Variants in CCN4 observed in about 807,000 individuals in gnomAD.
CCN4 encodes CCN family member 4.
A neutral mutation model predicts 36.7 loss-of-function variants in CCN4; 30 were observed. The observed-to-expected ratio is 0.82, with a 90% CI of 0.61 to 1.11. The LOEUF (loss-of-function observed/expected upper bound fraction) is 1.11. Ranked by LOEUF, CCN4 falls within the 50% of genes least tolerant of loss-of-function variation. CCN4 has a pLI of 0.00. For synonymous variants in CCN4, 191 were observed against 195.4 expected (o/e 0.98, Z 0.19); for missense variants, 505 against 504.9 (o/e 1.00, Z 0.00).
At chr8:133,212,176 C>A (rs530508101) in intron 1 of CCN4, among the ~76,000 whole-genome samples, 1 of 152,018 alleles carries the variant, frequency 6.6e-6, no homozygotes, top group African/African-American at 2.4e-5. Flanking sequence ...GGTCTCATTG[C>A]CCTGACAGCA....
intron 1 of CCN4, among the ~76,000 whole-genome samples, chr8:133,191,675 G>T (rs1186820061): frequency 1.3e-5 from 2 of 152,202 alleles, no homozygotes; most frequent in South Asian, 4.1e-4. Flanking sequence ...ATGCTGCGAA[G>T]ATGGGAGATG....
chr8:133,202,077 A>C (rs1853607795), intron 1 of CCN4, among the ~76,000 whole-genome samples: 1 of 152,224 alleles, frequency 6.6e-6, no homozygotes, highest in Non-Finnish European at 1.5e-5. Flanking sequence ...ACTACTCTCT[A>C]AAACTGTGAG....
intron 1 of CCN4, among the ~76,000 whole-genome samples, chr8:133,193,922 G>A (rs1853207751): frequency 6.6e-6 from 1 of 152,146 alleles, no homozygotes; most frequent in African/African-American, 2.4e-5. Context: ...TAGAGGGGCT[G>A]GAATCAGGCT....
chr8:133,202,356 C>A (rs756623283), intron 1 of CCN4, among the ~76,000 whole-genome samples: 2 of 152,202 alleles, frequency 1.3e-5, no homozygotes. Flanking sequence ...GCCTGTTTTA[C>A]GTTCCTGTCT....
Position 133,230,532 on chromosome 8 carries a change from C to G in CCN4, c.*2822C>G, listed in dbSNP as rs1854919502. The G allele has an allele frequency of 1.3e-5, 2 of 152,210 alleles. No homozygotes were observed. Among genetic ancestry groups the G allele is most frequent in the Non-Finnish European group, 2.9e-5 (2 of 68,028 alleles). 9.4% of individuals were successfully genotyped at this position (152,210 alleles called of 1,614,324 possible). On this transcript the variant is annotated 3_prime_UTR_variant, in exon 5 of 5. Transcript: ENST00000250160. Reference sequence around the variant, plus strand: ...CCAGCCCCTGCTCTTGCGGAGGCCTCTGGAAAAGACCTGAATGACACCTAT... The same window carrying G: ...CCAGCCCCTGCTCTTGCGGAGGCCTGTGGAAAAGACCTGAATGACACCTAT...
At chr8:133,223,088 G>A (rs1299058440) in intron 3 of CCN4, among the ~76,000 whole-genome samples, 7 of 151,998 alleles carry the variant, frequency 4.6e-5, no homozygotes, top group African/African-American at 1.5e-4. Context: ...AAAATTGCTC[G>A]GTGGAGAAGC....
chr8:133,198,007 AG>A (rs1188819697), intron 1 of CCN4, among the ~76,000 whole-genome samples: 1 of 152,184 alleles, frequency 6.6e-6, no homozygotes, highest in Non-Finnish European at 1.5e-5. Context: ...CTAGAAGACC[AG>A]GGGGAAATAG....
At chr8:133,207,001 G>T (rs1040063613) in intron 1 of CCN4, among the ~76,000 whole-genome samples, 1 of 152,208 alleles carries the variant, frequency 6.6e-6, no homozygotes, top group Admixed American at 6.5e-5. Context: ...AGGCGGGGGG[G>T]AAACTATGGC....
At chr8:133,200,623 G>A (rs1375523680) in intron 1 of CCN4, among the ~76,000 whole-genome samples, 1 of 152,218 alleles carries the variant, frequency 6.6e-6, no homozygotes, top group African/African-American at 2.4e-5. Context: ...AGGACCTGGA[G>A]TCAAAACAGC....
chr8:133,196,279 A>T (rs958462483), intron 1 of CCN4, among the ~76,000 whole-genome samples: 6 of 152,216 alleles, frequency 3.9e-5, no homozygotes, highest in Admixed American at 3.9e-4. Context: ...ACTTGAAATG[A>T]GGCTGGTCCC....
intron 1 of CCN4, among the ~76,000 whole-genome samples, chr8:133,196,739 G>C (rs1479576608): frequency 1.3e-5 from 2 of 152,198 alleles, no homozygotes; most frequent in Non-Finnish European, 2.9e-5. Flanking sequence ...GTGTTGAATG[G>C]GGAATGAAGC....
At chr8:133,215,695 A>G (rs1854296109) in intron 2 of CCN4, among the ~76,000 whole-genome samples, 1 of 151,900 alleles carries the variant, frequency 6.6e-6, no homozygotes, top group African/African-American at 2.4e-5. Context: ...TCCCAACACC[A>G]TGGGCTTCTG....
intron 1 of CCN4, among the ~76,000 whole-genome samples, chr8:133,191,923 A>G (rs1443856181): frequency 1.3e-5 from 2 of 152,150 alleles, no homozygotes; most frequent in Non-Finnish European, 2.9e-5. Context: ...CCCAGGGTAC[A>G]CCAAGGGGAA....
chr8:133,199,898 G>T lies in CCN4; in HGVS notation c.69+8685G>T, dbSNP rs577903698. Among the ~76,000 whole-genome samples, 9 of 152,280 alleles carry T rather than the reference G, an allele frequency of 5.9e-5. No individual in the cohort carries two copies. In the East Asian group the frequency reaches 1.7e-3, roughly 29 times the overall value. On this transcript the variant is annotated intron_variant, in intron 1 of 4. Coordinates refer to ENST00000250160, the MANE Select transcript of CCN4 (RefSeq NM_003882.4). ...CAGGTCTCATCTGATGTTCACGAGA[G>T]CCCTATGTGGCAGGAGCTCCTATCA...
intron 1 of CCN4, among the ~76,000 whole-genome samples, chr8:133,195,811 A>T (rs967549927): frequency 1.3e-5 from 2 of 152,234 alleles, no homozygotes; most frequent in Admixed American, 6.5e-5. Flanking sequence ...GCCCTGTGCC[A>T]GCAAAGCACC....
intron 1 of CCN4, among the ~76,000 whole-genome samples, chr8:133,198,574 C>T (rs918641273): frequency 2.6e-5 from 4 of 152,196 alleles, no homozygotes; most frequent in Middle Eastern, 3.2e-3. Context: ...CCTCTGTGCA[C>T]GTGGCCAAGC....
chr8:133,200,771 C>T (rs1853560536), intron 1 of CCN4, among the ~76,000 whole-genome samples: 1 of 152,172 alleles, frequency 6.6e-6, no homozygotes, highest in African/African-American at 2.4e-5. Context: ...CCACTGCCTT[C>T]CCCAGGGGAG....
At chr8:133,207,121 T>C (rs1012309726) in intron 1 of CCN4, among the ~76,000 whole-genome samples, 1 of 151,894 alleles carries the variant, frequency 6.6e-6, no homozygotes. Context: ...GGTAAAGGAG[T>C]TCTAAGATGA....
At position 133,227,484 on chromosome 8, in the gene CCN4, C is replaced by T. The variant is rs773691662; in HGVS notation, c.878C>T (p.Thr293Ile). 2.5e-6 allele frequency: 4 copies of T among 1,614,218 alleles called. No homozygotes were observed. The South Asian group carries it at 4.4e-5, about 18-fold the overall frequency. The change falls in exon 5 of 5, where the codon ACA becomes ATA. Residue 293 changes from threonine to isoleucine, a missense_variant. Transcript: ENST00000250160. ...MNFTLAGCIS[T>I]RSYQPKYCGV... The stretch of plus-strand genomic sequence containing the variant: ...TTCACACTTGCGGGCTGCATCAGCA[C>T]ACGCTCCTATCAACCCAAGTACTGT...
Sources: allele counts gnomAD v4.1 joint callset (sites outside exome capture counted in the v4.1 genomes callset), GRCh38; gene constraint gnomAD v4.1.1; transcripts MANE v1.5; gene names NCBI Gene and HGNC (gene_info 2026-07-23, HGNC 2026-07-21).